The following NIM1K variants were observed in gnomAD, a reference collection of about 807,000 sequenced individuals.
The protein encoded by NIM1K is serine/threonine-protein kinase NIM1.
In NIM1K, 35 loss-of-function variants were observed where a neutral mutation model predicts 37.1. The observed-to-expected ratio is 0.94, with a 90% CI of 0.72 to 1.25. The LOEUF is 1.25. NIM1K is among the 50% of genes most tolerant of loss of function. The probability of loss-of-function intolerance (pLI) is 0.00; values close to 1 mark genes in which losing one functional copy is unlikely to be tolerated. For missense variants in NIM1K, 564 were observed against 548.0 expected (o/e 1.03, Z -0.29); for synonymous variants, 234 against 206.6 (o/e 1.13, Z -1.14).
chr5:43,229,570 G>T (rs1354417369), intron 1 of NIM1K, among the ~76,000 whole-genome samples: 3 of 151,144 alleles, frequency 2.0e-5, no homozygotes, highest in African/African-American at 7.3e-5. Context: ...GATAAAATCT[G>T]TCTCTATTTA....
chr5:43,224,906 G>A (rs1190587394), intron 1 of NIM1K, among the ~76,000 whole-genome samples: 1 of 151,978 alleles, frequency 6.6e-6, no homozygotes, highest in African/African-American at 2.4e-5. Flanking sequence ...ATCTTGGCCA[G>A]GCTGATCTTG....
chr5:43,210,316 C>G (rs1283789167), intron 1 of NIM1K, among the ~76,000 whole-genome samples: 1 of 152,122 alleles, frequency 6.6e-6, no homozygotes, highest in Non-Finnish European at 1.5e-5. Context: ...GAATTTAAAA[C>G]AAATTTTGTG....
intron 1 of NIM1K, among the ~76,000 whole-genome samples, chr5:43,229,950 T>A (rs1752514448): frequency 6.6e-6 from 1 of 152,178 alleles, no homozygotes; most frequent in African/African-American, 2.4e-5. Flanking sequence ...GCCTCTTTTT[T>A]TTTTTCTTTA....
intron 1 of NIM1K, chr5:43,232,788 C>A: frequency 9.2e-7 from 1 of 1,082,786 alleles, no homozygotes; most frequent in South Asian, 1.4e-5. Flanking sequence ...GATCCATGCA[C>A]TGTTCAGCCA....
intron 2 of NIM1K, among the ~76,000 whole-genome samples, chr5:43,267,367 A>C (rs1753180836): frequency 6.6e-6 from 1 of 152,086 alleles, no homozygotes; most frequent in South Asian, 2.1e-4. Context: ...TAATCTAGTT[A>C]ATGGTCTATC....
At chr5:43,249,042 A>ATTTT (rs1204881013) in intron 2 of NIM1K, among the ~76,000 whole-genome samples, 10 of 131,180 alleles carry the variant, frequency 7.6e-5, no homozygotes, top group Middle Eastern at 4.5e-3. Context: ...CGGCTAGTTT[A>ATTTT]TTTTTATTTA....
At chr5:43,265,729 G>T (rs948908195) in intron 2 of NIM1K, among the ~76,000 whole-genome samples, 16 of 152,184 alleles carry the variant, frequency 1.1e-4, no homozygotes, top group African/African-American at 3.9e-4. Context: ...CAGCTTTTCT[G>T]CTCTGGTTTC....
At chr5:43,207,367 T>C (rs1752132978) in intron 1 of NIM1K, 2 of 794,362 alleles carry the variant, frequency 2.5e-6, no homozygotes, top group Admixed American at 1.7e-5. Context: ...TGGTGATCAA[T>C]AGATGAAAGA....
At chr5:43,271,511 T>C (rs1455902665) in intron 2 of NIM1K, among the ~76,000 whole-genome samples, 1 of 152,072 alleles carries the variant, frequency 6.6e-6, no homozygotes, top group African/African-American at 2.4e-5. Context: ...TATATTAGAG[T>C]AGTGCTCAAA....
intron 2 of NIM1K, among the ~76,000 whole-genome samples, chr5:43,273,334 GC>G (rs1753286562): frequency 6.6e-6 from 1 of 151,862 alleles, no homozygotes; most frequent in South Asian, 2.1e-4. Context: ...CTCCCAAGTA[GC>G]CAGAATTACA....
chr5:43,237,304 T>C (rs1478782154), intron 1 of NIM1K, among the ~76,000 whole-genome samples: 1 of 152,268 alleles, frequency 6.6e-6, no homozygotes, highest in African/African-American at 2.4e-5. Context: ...AAGTAAGCTC[T>C]GTTTTCTTTC....
chr5:43,200,461 C>T (rs2004946), intron 1 of NIM1K, among the ~76,000 whole-genome samples: 22,309 of 152,036 alleles, frequency 0.15, 1,927 homozygotes, highest in Middle Eastern at 0.23. Flanking sequence ...CCTCCATGCC[C>T]GGCTACTTTT....
intron 2 of NIM1K, among the ~76,000 whole-genome samples, chr5:43,265,370 T>A (rs1047810359): frequency 6.6e-6 from 1 of 152,272 alleles, no homozygotes; most frequent in Admixed American, 6.5e-5. Flanking sequence ...ATTCATTTGA[T>A]CTTCAATCAC....
intron 2 of NIM1K, among the ~76,000 whole-genome samples, chr5:43,260,880 G>T (rs924721362): frequency 6.6e-6 from 1 of 152,076 alleles, no homozygotes; most frequent in Non-Finnish European, 1.5e-5. Flanking sequence ...CTGTCCTTGC[G>T]ATAGTTTGCT....
intron 2 of NIM1K, among the ~76,000 whole-genome samples, chr5:43,246,635 G>C (rs565789883): frequency 1.3e-5 from 2 of 152,326 alleles, no homozygotes; most frequent in Admixed American, 6.5e-5. Context: ...TTGAGAAAAA[G>C]GGATTTGATC....
At chr5:43,223,504 A>G (rs192956190) in intron 1 of NIM1K, among the ~76,000 whole-genome samples, 1 of 152,338 alleles carries the variant, frequency 6.6e-6, no homozygotes, top group East Asian at 1.9e-4. Context: ...AAAATTTTGG[A>G]TATCTCATTT....
At position 43,277,078 on chromosome 5, in the gene NIM1K, T is replaced by C; in HGVS notation, c.314T>C (p.Leu105Pro). Reference sequence around the variant, plus strand: ...GCAGAAAAGGTGGCCATTAAGATCCTGGACAAGACCAAGTTAGACCAGAAA... The same window carrying C: ...GCAGAAAAGGTGGCCATTAAGATCCCGGACAAGACCAAGTTAGACCAGAAA... ...LTKEKVAIKILDKTKLDQKTQ... is the reference protein window; with the variant it reads ...LTKEKVAIKIPDKTKLDQKTQ... Residue 105 changes from leucine to proline, a missense_variant, in exon 3 of 4, where the codon CTG (leucine) becomes CCG (proline). By Grantham distance (98) the Leu-to-Pro change is moderately conservative (BLOSUM62 -3). Coordinates refer to ENST00000326035, the MANE Select transcript of NIM1K (RefSeq NM_153361.4). 6.2e-7 allele frequency: 1 copy of C among 1,614,024 alleles called. No individual in the cohort carries two copies. The highest frequency in any genetic ancestry group is 8.5e-7 in the Non-Finnish European group (1 of 1,179,976).
chr5:43,277,032 C>T (rs370574113), intron 2 of NIM1K, 25 bp from the exon 3 acceptor site: 10 of 1,610,742 alleles, frequency 6.2e-6, no homozygotes, highest in Middle Eastern at 1.7e-4. Context: ...AATTCTGGCA[C>T]AATTTTTACT....
chr5:43,273,629 C>T (rs943431614), intron 2 of NIM1K, among the ~76,000 whole-genome samples: 1 of 152,220 alleles, frequency 6.6e-6, no homozygotes, highest in African/African-American at 2.4e-5. Flanking sequence ...GCTTATCTGA[C>T]CTTTTCCTAC....
Sources: allele counts gnomAD v4.1 joint callset (sites outside exome capture counted in the v4.1 genomes callset), GRCh38; gene constraint gnomAD v4.1.1; transcripts MANE v1.5; gene names NCBI Gene and HGNC (gene_info 2026-07-23, HGNC 2026-07-21).